Variants in BTBD8 observed in about 807,000 individuals in gnomAD.
BTBD8 encodes the protein BTB domain containing 8.
In BTBD8, 110 loss-of-function variants were observed where a neutral mutation model predicts 162.9. That is an observed-to-expected ratio of 0.68 (90% CI 0.58 to 0.79). The LOEUF (loss-of-function observed/expected upper bound fraction) is 0.79, where lower values mean the gene tolerates loss of function less well. BTBD8 is among the 30% of genes least tolerant of loss of function. The pLI is 0.00. For synonymous variants in BTBD8, 667 were observed against 716.1 expected (o/e 0.93, Z 1.10); for missense variants, 1,905 against 2,085.4 (o/e 0.91, Z 1.68).
In BTBD8 at chr1:92,177,009, G is replaced by T; in HGVS notation, c.1816G>T (p.Asp606Tyr). The stretch of plus-strand genomic sequence containing the variant: ...TATAAATAAAACTCTGAAGCAAGAT[G>T]ATGTAAAGGAAAAAGATGGTACAAA... The part of the protein sequence containing the change: ...NSINKTLKQD[D>Y]VKEKDGTKIA... The change falls in exon 14 of 18, where the codon GAT (aspartate) becomes TAT (tyrosine). Residue 606 changes from aspartate to tyrosine, a missense_variant. Asp to Tyr is a radical substitution (Grantham distance 160). Coordinates refer to ENST00000636805, the MANE Select transcript of BTBD8 (RefSeq NM_001376131.1). 6.5e-7 allele frequency: 1 copy of T among 1,547,834 alleles called. No homozygotes were observed. The highest frequency in any genetic ancestry group is 8.7e-7 in the Non-Finnish European group (1 of 1,145,668).
At chr1:92,135,818 C>G (rs579668) in intron 5 of BTBD8, among the ~76,000 whole-genome samples, 3,949 of 152,064 alleles carry the variant, frequency 0.026, 75 homozygotes, top group Non-Finnish European at 0.029. Context: ...TAGTCATTAT[C>G]TTTTGCTTAA....
Position 92,082,693 on chromosome 1 carries a change from C to G in BTBD8, c.149+1973C>G, listed in dbSNP as rs79858984. On this transcript the variant is annotated intron_variant, in intron 1 of 17. Coordinates refer to ENST00000636805, the MANE Select transcript of BTBD8 (RefSeq NM_001376131.1). Reference sequence around the variant, plus strand: ...ACAGAGACACTCCTAGGTTACCTGACGTGACAAGATATGTAGAGAAGTGAG... The same window carrying G: ...ACAGAGACACTCCTAGGTTACCTGAGGTGACAAGATATGTAGAGAAGTGAG... Among the ~76,000 whole-genome samples the G allele has an allele frequency of 1.7e-3, 266 of 152,206 alleles. 3 individuals carry two copies. Among genetic ancestry groups the G allele is most frequent in the African/African-American group, 5.9e-3 (243 of 41,536 alleles).
At chr1:92,123,483 T>A (rs1649269627) in intron 4 of BTBD8, among the ~76,000 whole-genome samples, 1 of 152,220 alleles carries the variant, frequency 6.6e-6, no homozygotes, top group Non-Finnish European at 1.5e-5. Flanking sequence ...ATTTTCACTC[T>A]CCATTAGGTC....
chr1:92,143,969 CTT>C (rs935357789), intron 7 of BTBD8, among the ~76,000 whole-genome samples: 13 of 103,214 alleles, frequency 1.3e-4, no homozygotes, highest in Middle Eastern at 5.4e-3. Flanking sequence ...ACTTTTAGTT[CTT>C]TTTTTTTTTT....
At chr1:92,168,572 T>G (rs1464688519) in intron 11 of BTBD8, among the ~76,000 whole-genome samples, 1 of 152,244 alleles carries the variant, frequency 6.6e-6, no homozygotes, top group Non-Finnish European at 1.5e-5. Context: ...ATAGAGCATT[T>G]GACCTTGTAA....
In BTBD8 at chr1:92,182,281, C is replaced by A. The variant is rs1439306605; in HGVS notation, c.4598C>A (p.Thr1533Lys). The A allele has an allele frequency of 6.4e-7, 1 of 1,550,938 alleles. No homozygotes were observed. Among genetic ancestry groups the A allele is most frequent in the Admixed American group, 2.0e-5 (1 of 50,906 alleles). ...AAAAATAAACAGAGTGTTTCAGCCA[C>A]AGAAAAAAAGAACACAATAGACGTC... ...SRKNKQSVSA[T>K]EKKNTIDVLS... The change falls in exon 17 of 18, where the codon ACA becomes AAA. Residue 1533 changes from threonine to lysine, a missense_variant. Transcript: ENST00000636805.
chr1:92,152,218 T>C (rs1161597986), intron 9 of BTBD8, among the ~76,000 whole-genome samples: 1 of 152,010 alleles, frequency 6.6e-6, no homozygotes, highest in Non-Finnish European at 1.5e-5. Context: ...AACTCACAAA[T>C]TGGTGGAAAA....
intron 7 of BTBD8, among the ~76,000 whole-genome samples, chr1:92,142,374 A>G (rs567904855): frequency 6.6e-6 from 1 of 152,218 alleles, no homozygotes; most frequent in Non-Finnish European, 1.5e-5. Context: ...CATCCCCTAG[A>G]TGAACATTAA....
At chr1:92,138,694 C>T (rs1044958257) in intron 5 of BTBD8, among the ~76,000 whole-genome samples, 1 of 152,152 alleles carries the variant, frequency 6.6e-6, no homozygotes, top group African/African-American at 2.4e-5. Flanking sequence ...GGAATAGAGG[C>T]TGGGGTAAGA....
intron 4 of BTBD8, among the ~76,000 whole-genome samples, chr1:92,109,278 A>G (rs1392602189): frequency 6.7e-6 from 1 of 149,160 alleles, no homozygotes; most frequent in Non-Finnish European, 1.5e-5. Flanking sequence ...AACCAACACA[A>G]TTGTATTTTA....
intron 13 of BTBD8, among the ~76,000 whole-genome samples, chr1:92,171,820 G>T (rs1214151946): frequency 6.6e-6 from 1 of 152,216 alleles, no homozygotes; most frequent in Non-Finnish European, 1.5e-5. Flanking sequence ...GCTAGGCATG[G>T]TGGCTCACGC....
chr1:92,137,523 G>A (rs1649662490), intron 5 of BTBD8, among the ~76,000 whole-genome samples: 1 of 152,160 alleles, frequency 6.6e-6, no homozygotes, highest in African/African-American at 2.4e-5. Context: ...TCTGACTTAG[G>A]CATATAGATG....
intron 6 of BTBD8, among the ~76,000 whole-genome samples, chr1:92,140,152 T>C (rs1649739937): frequency 1.3e-5 from 2 of 150,424 alleles, no homozygotes; most frequent in South Asian, 2.1e-4. Context: ...CCAGGCGTGA[T>C]GGCTCACACC....
intron 1 of BTBD8, among the ~76,000 whole-genome samples, chr1:92,082,104 G>T (rs1439177839): frequency 1.3e-5 from 2 of 152,128 alleles, no homozygotes; most frequent in African/African-American, 4.8e-5. Flanking sequence ...TGAAGAAAAT[G>T]AGGTTAAAGT....
chr1:92,113,968 C>T (rs897417799), intron 4 of BTBD8, among the ~76,000 whole-genome samples: 10 of 143,482 alleles, frequency 7.0e-5, no homozygotes, highest in East Asian at 2.1e-4. Flanking sequence ...CCCGAGATCA[C>T]GTCACTGCAC....
intron 4 of BTBD8, among the ~76,000 whole-genome samples, chr1:92,123,135 T>A (rs1649260409): frequency 6.6e-6 from 1 of 152,186 alleles, no homozygotes; most frequent in Admixed American, 6.5e-5. Flanking sequence ...CTTAACGCCC[T>A]CATGAAAAGC....
At chr1:92,150,055 T>A (rs1202642612) in intron 9 of BTBD8, among the ~76,000 whole-genome samples, 1 of 152,198 alleles carries the variant, frequency 6.6e-6, no homozygotes, top group Non-Finnish European at 1.5e-5. Context: ...CAACTCCCTG[T>A]AACAAATTTC....
At chr1:92,118,707 T>G (rs1649108689) in intron 4 of BTBD8, among the ~76,000 whole-genome samples, 1 of 151,758 alleles carries the variant, frequency 6.6e-6, no homozygotes, top group African/African-American at 2.4e-5. Context: ...CCTCTTCTCC[T>G]CTACATATTA....
intron 17 of BTBD8, 68 bp from the exon 18 acceptor site, chr1:92,183,796 T>C: frequency 1.1e-6 from 1 of 927,646 alleles, no homozygotes; most frequent in Non-Finnish European, 1.6e-6. Context: ...ATTGTGTTAA[T>C]ATTCTACAAA....
Sources: allele counts gnomAD v4.1 joint callset (sites outside exome capture counted in the v4.1 genomes callset), GRCh38; gene constraint gnomAD v4.1.1; transcripts MANE v1.5; gene names NCBI Gene and HGNC (gene_info 2026-07-23, HGNC 2026-07-21).